Variants in HMCN1 observed in about 807,000 individuals in gnomAD.
HMCN1 encodes hemicentin-1.
In HMCN1, 321 loss-of-function variants were observed where a neutral mutation model predicts 625.9. The ratio of observed to expected loss-of-function variants is 0.51; its 90% CI spans 0.47 to 0.56. HMCN1 has a LOEUF of 0.56. Among genes scored for constraint, HMCN1 ranks in the 20% least tolerant of loss-of-function variants. The pLI is 0.00. For missense variants in HMCN1, 6,588 were observed against 6,887.3 expected (o/e 0.96, Z 1.54); for synonymous variants, 2,425 against 2,417.6 (o/e 1.00, Z -0.09).
intron 1 of HMCN1, among the ~76,000 whole-genome samples, chr1:185,776,337 G>A (rs868789973): frequency 2.5e-4 from 38 of 152,060 alleles, no homozygotes; most frequent in African/African-American, 8.2e-4. Flanking sequence ...CACTCCTTGC[G>A]TGGAATGTTT....
In HMCN1 at chr1:186,023,016, C is replaced by A; in HGVS notation, c.5626-14C>A. On this transcript the variant is annotated splice_polypyrimidine_tract_variant and intron_variant, in intron 35 of 106. Transcript: ENST00000271588. ...AAGATACAAAAATCCTCTGTGCTTTCTGCTCCCAATTAGATACAGTCTTCT... is the reference window on the plus strand; with the variant it reads ...AAGATACAAAAATCCTCTGTGCTTTATGCTCCCAATTAGATACAGTCTTCT... The A allele has an allele frequency of 1.9e-6, 3 of 1,612,776 alleles. No individual in the cohort carries two copies. Among genetic ancestry groups the A allele is most frequent in the Non-Finnish European group, 2.5e-6 (3 of 1,178,996 alleles).
intron 11 of HMCN1, among the ~76,000 whole-genome samples, chr1:185,945,584 G>C (rs1054496270): frequency 6.6e-6 from 1 of 152,128 alleles, no homozygotes. Context: ...GGGTGCTACC[G>C]GAGCTTTTAA....
intron 6 of HMCN1, among the ~76,000 whole-genome samples, chr1:185,913,452 TAGA>T (rs1271703086): frequency 2.0e-5 from 3 of 152,178 alleles, no homozygotes; most frequent in South Asian, 2.1e-4. Flanking sequence ...AGGAAGGAAT[TAGA>T]AGAAGTGTCG....
chr1:185,980,000 A>G (rs1651502883), intron 16 of HMCN1, among the ~76,000 whole-genome samples: 1 of 152,098 alleles, frequency 6.6e-6, no homozygotes, highest in Non-Finnish European at 1.5e-5. Flanking sequence ...CACGCAACCT[A>G]TAACTCAGTA....
chr1:185,772,757 A>T (rs1656331154), intron 1 of HMCN1, among the ~76,000 whole-genome samples: 1 of 152,088 alleles, frequency 6.6e-6, no homozygotes, highest in African/African-American at 2.4e-5. Flanking sequence ...TATAAACAAA[A>T]ATTTTATTTT....
At chr1:185,882,759 T>A (rs1039550308) in intron 4 of HMCN1, among the ~76,000 whole-genome samples, 6 of 152,134 alleles carry the variant, frequency 3.9e-5, no homozygotes, top group Admixed American at 3.3e-4. Flanking sequence ...GAAATAATTA[T>A]TTATAATGTA....
intron 1 of HMCN1, among the ~76,000 whole-genome samples, chr1:185,761,026 C>T (rs1175522509): frequency 2.0e-5 from 3 of 152,006 alleles, no homozygotes; most frequent in Admixed American, 6.6e-5. Context: ...TTCTCCACTT[C>T]CAGTAGAAAG....
intron 13 of HMCN1, among the ~76,000 whole-genome samples, chr1:185,965,491 T>C (rs1425108299): frequency 6.6e-6 from 1 of 152,110 alleles, no homozygotes; most frequent in African/African-American, 2.4e-5. Context: ...ATTTCTAAGA[T>C]GTTTCTTTCC....
At chr1:186,142,985 A>G (rs564813052) in intron 89 of HMCN1, among the ~76,000 whole-genome samples, 1 of 152,352 alleles carries the variant, frequency 6.6e-6, no homozygotes, top group East Asian at 1.9e-4. Flanking sequence ...ATGAGCATCC[A>G]CAGCCTGAAT....
intron 100 of HMCN1, 120 bp from the exon 101 acceptor site, chr1:186,171,217 G>T: frequency 1.3e-6 from 1 of 744,172 alleles, no homozygotes; most frequent in Non-Finnish European, 2.4e-6. Context: ...GCAATATATT[G>T]GATAGGTTTT....
chr1:185,813,124 A>G (rs1659630058), intron 1 of HMCN1, among the ~76,000 whole-genome samples: 2 of 152,294 alleles, frequency 1.3e-5, no homozygotes, highest in African/African-American at 4.8e-5. Flanking sequence ...AGAGCCTGAC[A>G]TGGGACTTGG....
At chr1:185,828,123 A>G (rs2102282658) in intron 1 of HMCN1, among the ~76,000 whole-genome samples, 1 of 152,310 alleles carries the variant, frequency 6.6e-6, no homozygotes, top group East Asian at 1.9e-4. Flanking sequence ...GTATACAACA[A>G]AAATACTAAC....
At chr1:186,031,543 A>AT (rs1655439224) in intron 36 of HMCN1, among the ~76,000 whole-genome samples, 1 of 151,788 alleles carries the variant, frequency 6.6e-6, no homozygotes, top group African/African-American at 2.4e-5. Flanking sequence ...AGATATATAG[A>AT]TTGATGCTTT....
intron 100 of HMCN1, among the ~76,000 whole-genome samples, chr1:186,169,041 G>T (rs552518827): frequency 2.6e-5 from 4 of 152,234 alleles, no homozygotes; most frequent in Non-Finnish European, 5.9e-5. Flanking sequence ...TCCTGTGTTA[G>T]TTTGCCAAGA....
chr1:185,783,668 T>C (rs1296327269), intron 1 of HMCN1, among the ~76,000 whole-genome samples: 1 of 152,246 alleles, frequency 6.6e-6, no homozygotes, highest in Admixed American at 6.5e-5. Flanking sequence ...CAAATATTGC[T>C]GAACAGCAAA....
In HMCN1 at chr1:185,878,705, CTCTA is replaced by C. The variant is rs144332661; in HGVS notation, c.621+12847_621+12850del. Among the ~76,000 whole-genome samples, 1,321 of 152,198 alleles carry C rather than the reference CTCTA, an allele frequency of 8.7e-3. 21 individuals carry two copies. The highest frequency in any genetic ancestry group is 0.031 in the African/African-American group (1,270 of 41,510). ...TCGACTTCATTTTTACAGTACTTCTCTCTATCTAATATTATATTACATATCCTTT... is the reference window on the plus strand; with the variant it reads ...TCGACTTCATTTTTACAGTACTTCTCTCTAATATTATATTACATATCCTTT... On this transcript the variant is annotated intron_variant, in intron 4 of 106. Transcript: ENST00000271588.
rs762367427 is a variant in HMCN1 at position 186,137,641 on chromosome 1, C to A, written c.13726C>A (p.Arg4576=). Residue 4576 remains arginine (R), a synonymous_variant, in exon 88 of 107, where the codon CGA becomes AGA. Coordinates refer to ENST00000271588, the MANE Select transcript of HMCN1 (RefSeq NM_031935.3). ...KPCQGSDLEM[R]NCQNKPCPVD... is the part of the protein sequence containing the mutation. ...CTGCCAAGGTTCAGATTTGGAAATG[C>A]GAAACTGTCAAAATAAGCCTTGTCC... 1 of 1,613,852 alleles carries A rather than the reference C, an allele frequency of 6.2e-7. No homozygotes were observed. Among genetic ancestry groups the A allele is most frequent in the African/African-American group, 1.3e-5 (1 of 74,892 alleles).
chr1:185,830,463 A>C (rs1165707951), intron 1 of HMCN1, among the ~76,000 whole-genome samples: 1 of 152,194 alleles, frequency 6.6e-6, no homozygotes, highest in Non-Finnish European at 1.5e-5. Context: ...AGTTTTCTGC[A>C]TATGGCTAGG....
intron 97 of HMCN1, among the ~76,000 whole-genome samples, chr1:186,154,720 G>A (rs1650884958): frequency 6.6e-6 from 1 of 152,168 alleles, no homozygotes; most frequent in South Asian, 2.1e-4. Context: ...TTAAAACTGT[G>A]CAGCAATAAT....
Sources: gnomAD v4.1 joint callset for allele counts (sites outside exome capture counted in the v4.1 genomes callset) on GRCh38, gnomAD v4.1.1 for gene constraint, MANE v1.5 for transcripts, NCBI Gene and HGNC (gene_info 2026-07-23, HGNC 2026-07-21) for gene names.